Variants in MFRP observed in about 807,000 individuals in gnomAD.
The protein encoded by MFRP is membrane frizzled-related protein.
MFRP carries 74 observed loss-of-function variants against 65.8 expected under a neutral mutation model. The observed-to-expected ratio is 1.12, with a 90% CI of 0.93 to 1.36. The LOEUF (loss-of-function observed/expected upper bound fraction) is 1.36, where lower values mean the gene tolerates loss of function less well. Among genes scored for constraint, MFRP ranks in the 40% most tolerant of loss-of-function variants. The pLI, the probability that MFRP is intolerant of heterozygous loss-of-function variation, is 0.00. For synonymous variants in MFRP, 336 were observed against 288.3 expected, an observed-to-expected ratio of 1.17 and a Z score of -1.68; for missense variants, 838 against 736.0, an observed-to-expected ratio of 1.14 and a Z score of -1.60.
chr11:119,343,814 A>G lies in MFRP; in HGVS notation c.1124+2T>C, dbSNP rs1427893304. On this transcript the variant is annotated splice_donor_variant, in intron 9 of 14. Coordinates refer to ENST00000619721, the MANE Select transcript of MFRP (RefSeq NM_031433.4). LOFTEE classifies it high-confidence loss of function. ...TCCATGGCTCTTCCCTGGCTCCTGT[A>G]CCTGCCCAGGAGGCTGAAGGCCCCT... 5.0e-6 allele frequency: 8 copies of G among 1,613,698 alleles called. No individual in the cohort carries two copies. Among genetic ancestry groups the G allele is most frequent in the Non-Finnish European group, 6.8e-6 (8 of 1,179,964 alleles).
Position 119,345,628 on chromosome 11 carries a change from C to T in MFRP, c.433G>A (p.Gly145Arg), listed in dbSNP as rs548484182. The T allele has an allele frequency of 6.2e-7, 1 of 1,613,628 alleles. No individual in the cohort carries two copies. Among genetic ancestry groups the T allele is most frequent in the African/African-American group, 1.3e-5 (1 of 75,048 alleles). ...CCCCTTGGGCCAGAGAGGAGGCCTC[C>T]ACAGGCTGCAGAGATGGAGGTTAGA... ...GVSPSPQSTC[G>R]GLLSGPRGFF... Residue 145 changes from glycine (G) to arginine (R), a missense_variant, in exon 5 of 15, where the codon GGA becomes AGA. Transcript: ENST00000619721.
In MFRP at chr11:119,342,004, G is replaced by A. The variant is rs779629407; in HGVS notation, c.1388-20C>T. ...CCAGCTCTGCAGGGGTGGAGGGGAG[G>A]GCCACTGTGGGGACTGCTCACTGGC... On this transcript the variant is annotated intron_variant, in intron 11 of 14. Coordinates refer to ENST00000619721, the MANE Select transcript of MFRP (RefSeq NM_031433.4). The A allele has an allele frequency of 6.2e-7, 1 of 1,612,864 alleles. No homozygotes were observed. Among genetic ancestry groups the A allele is most frequent in the Non-Finnish European group, 8.5e-7 (1 of 1,180,008 alleles).
rs1950501399 is a variant in MFRP at position 119,341,446 on chromosome 11, TG to T, written c.*101del. The T allele has an allele frequency of 1.0e-6, 1 of 991,302 alleles. No individual in the cohort carries two copies. The highest frequency in any genetic ancestry group is 1.5e-6 in the Non-Finnish European group (1 of 662,174). The allele number at this position is 991,302 out of a possible 1,614,324, so 61.4% of individuals were successfully genotyped here. ...CCTCCCTGGGAGCCCCAGAGAAGGATGGGTAGAGACCCTGCTGATGCTCCTT... is the reference window on the plus strand; with the variant it reads ...CCTCCCTGGGAGCCCCAGAGAAGGATGGTAGAGACCCTGCTGATGCTCCTT... On this transcript the variant is annotated 3_prime_UTR_variant, in exon 13 of 15. Coordinates refer to ENST00000619721, the MANE Select transcript of MFRP (RefSeq NM_031433.4).
rs1950573505 is a variant in MFRP, at chr11:119,346,571, G to T, written c.-58C>A. 7 of 1,571,250 alleles carry T rather than the reference G, an allele frequency of 4.5e-6. No individual in the cohort carries two copies. The highest frequency in any genetic ancestry group is 6.1e-6 in the Non-Finnish European group (7 of 1,142,340). On this transcript the variant is annotated 5_prime_UTR_variant, in exon 1 of 15. Coordinates refer to ENST00000619721, the MANE Select transcript of MFRP (RefSeq NM_031433.4). ...CTGTGACAGCCCAAGACCCCCAAGGGCCCACTCGCTGACCACAAACTCCCT... is the reference window on the plus strand; with the variant it reads ...CTGTGACAGCCCAAGACCCCCAAGGTCCCACTCGCTGACCACAAACTCCCT...
At position 119,341,724 on chromosome 11, in the gene MFRP, C is replaced by T. The variant is rs1950504597; in HGVS notation, c.1564G>A (p.Gly522Arg). The change falls in exon 13 of 15, where the codon GGG becomes AGG. Residue 522 changes from glycine to arginine, a missense_variant. Transcript: ENST00000619721. ...CYQHFRRLLC[G>R]LLVPRCTPLG... is the part of the protein sequence containing the mutation. ...GGGGTGCAACGGGGCACAAGCAGCC[C>T]ACACAGGAGCCTCCGGAAATGCTGG... is the stretch of plus-strand genomic sequence containing the variant. 6.2e-7 allele frequency: 1 copy of T among 1,613,188 alleles called. No individual in the cohort carries two copies. Among genetic ancestry groups the T allele is most frequent in the South Asian group, 1.1e-5 (1 of 91,092 alleles).
At position 119,341,426 on chromosome 11, in the gene MFRP, C is replaced by CT; in HGVS notation, c.*121dup. On this transcript the variant is annotated 3_prime_UTR_variant, in exon 13 of 15. Coordinates refer to ENST00000619721, the MANE Select transcript of MFRP (RefSeq NM_031433.4). The stretch of plus-strand genomic sequence containing the variant: ...AGCTGAGGACTTCTCTTCCCCCTCC[C>CT]TGGGAGCCCCAGAGAAGGATGGGTA... The CT allele has an allele frequency of 1.2e-6, 1 of 810,822 alleles. No homozygotes were observed. The highest frequency in any genetic ancestry group is 1.7e-5 in the South Asian group (1 of 58,538). The allele number at this position is 810,822 out of a possible 1,614,324, so 50.2% of individuals were successfully genotyped here.
In MFRP at chr11:119,341,357, G is replaced by A; in HGVS notation, c.*191C>T. On this transcript the variant is annotated 3_prime_UTR_variant, in exon 13 of 15. Transcript: ENST00000619721. ...CAGTCAGCAGCCTGGGACCGGTAAA[G>A]GGACAGGAAGGAGCAGGGAGGGTGG... The A allele has an allele frequency of 1.7e-6, 1 of 603,784 alleles. No individual in the cohort carries two copies. The highest frequency in any genetic ancestry group is 2.9e-6 in the Non-Finnish European group (1 of 341,154). 37.4% of individuals were successfully genotyped at this position (603,784 alleles called of 1,614,324 possible).
rs1440525044 is a variant in MFRP, at chr11:119,340,772, CCGCGCTTCTCCCCGGCCAGG to C, written c.*756_*775del. The C allele has an allele frequency of 3.8e-6, 1 of 261,452 alleles. No homozygotes were observed. Among genetic ancestry groups the C allele is most frequent in the Non-Finnish European group, 7.3e-6 (1 of 136,096 alleles). The allele number at this position is 261,452 out of a possible 1,614,324, so 16.2% of individuals were successfully genotyped here. On this transcript the variant is annotated 3_prime_UTR_variant, in exon 13 of 15. Transcript: ENST00000619721. ...CCTCCAGTTGGTGGTGCTCCAGCCCCCGCGCTTCTCCCCGGCCAGGCGCCCCCTGCCCTGCCGTCACCCCA... is the reference window on the plus strand; with the variant it reads ...CCTCCAGTTGGTGGTGCTCCAGCCCCCGCCCCCTGCCCTGCCGTCACCCCA...
intron 5 of MFRP, 127 bp from the exon 6 acceptor site, chr11:119,345,131 C>T (rs1377744412): frequency 2.4e-6 from 3 of 1,247,406 alleles, no homozygotes; most frequent in Non-Finnish European, 3.4e-6. Context: ...CAAAAAGGCT[C>T]CTCTGATGTC....
chr11:119,341,593 G>A lies in MFRP; in HGVS notation c.1695C>T (p.Asn565=). 14 of 1,612,972 alleles carry A rather than the reference G, an allele frequency of 8.7e-6. No homozygotes were observed. Among genetic ancestry groups the A allele is most frequent in the Non-Finnish European group, 1.1e-5 (13 of 1,180,012 alleles). Residue 565 remains asparagine, a synonymous_variant, in exon 13 of 15, where the codon AAC becomes AAT. Coordinates refer to ENST00000619721, the MANE Select transcript of MFRP (RefSeq NM_031433.4). ...CCAGGTCAGCTGCCTCTGGCAGCCT[G>A]TTGCAGTTGAAGGGCCAGGGGGTGC... ...LLGTPWPFNC[N]RLPEAADLEA... is the part of the protein sequence containing the mutation.
In MFRP at chr11:119,342,571, G is replaced by A. The variant is rs771438559; in HGVS notation, c.1387+25C>T. ...GTGAGGTGGGCACCCAGCCTGCTCA[G>A]GGTCCCCAGGGGCAGGCTTCTCACC... On this transcript the variant is annotated intron_variant, in intron 11 of 14. Transcript: ENST00000619721. The A allele has an allele frequency of 1.1e-5, 18 of 1,612,102 alleles. 1 individual carries two copies. The highest frequency in any genetic ancestry group is 3.3e-4 in the Middle Eastern group (2 of 6,078).
chr11:119,340,072 G>C, intron 14 of MFRP, 112 bp downstream of exon 14: 3 of 1,337,784 alleles, frequency 2.2e-6, no homozygotes, highest in Non-Finnish European at 9.8e-7. Context: ...GCTGCAAAGC[G>C]CGGGGAGTGG....
chr11:119,345,171 C>T (rs563448607), intron 5 of MFRP, among the ~76,000 whole-genome samples, 167 bp from the exon 6 acceptor site: 2 of 152,304 alleles, frequency 1.3e-5, no homozygotes, highest in East Asian at 1.9e-4. Context: ...CTAGCACCTG[C>T]ACATTTATCC....
At position 119,339,325 on chromosome 11, in the gene MFRP, TG is replaced by T; in HGVS notation, c.*1633del. 1 of 1,611,326 alleles carries T rather than the reference TG, an allele frequency of 6.2e-7. No homozygotes were observed. Among genetic ancestry groups the T allele is most frequent in the Non-Finnish European group, 8.5e-7 (1 of 1,178,344 alleles). On this transcript the variant is annotated 3_prime_UTR_variant, in exon 15 of 15. Transcript: ENST00000619721. The surrounding 1 kb of genome is among the most constrained non-coding windows in gnomAD (Gnocchi z 5.4). ...GTGAGAGCATGAGCTCACTTTGCAG[TG>T]GGCACTAAGCAAAGACTGGGGAGCT...
At chr11:119,343,766 G>A in intron 9 of MFRP, 50 bp downstream of exon 9, 2 of 1,610,164 alleles carry the variant, frequency 1.2e-6, no homozygotes, top group South Asian at 1.1e-5. Flanking sequence ...AGCCGGGGGT[G>A]GCAGACAGTG....
At position 119,340,589 on chromosome 11, in the gene MFRP, G is replaced by A. The variant is rs1002011614; in HGVS notation, c.*853+106C>T. ...GCCGAGCATCCGGAGAGCACAGGCA[G>A]GCGCGAGAGGGTGGGAGCGGCCAGC... On this transcript the variant is annotated intron_variant, in intron 13 of 14. Transcript: ENST00000619721. 6.0e-5 allele frequency: 36 copies of A among 601,852 alleles called. No individual in the cohort carries two copies. In the African/African-American group the frequency reaches 6.3e-4, roughly 11 times the overall value. The allele number at this position is 601,852 out of a possible 1,614,324, so 37.3% of individuals were successfully genotyped here.
At position 119,343,067 on chromosome 11, in the gene MFRP, C is replaced by T. The variant is rs554459736; in HGVS notation, c.1125-64G>A. 2,791 of 1,546,416 alleles carry T rather than the reference C, an allele frequency of 1.8e-3. 5 individuals carry two copies. The highest frequency in any genetic ancestry group is 2.3e-3 in the Non-Finnish European group (2,586 of 1,149,016). On this transcript the variant is annotated intron_variant, in intron 9 of 14. Coordinates refer to ENST00000619721, the MANE Select transcript of MFRP (RefSeq NM_031433.4). ...GCTGACTGAGGGGGCACTGCAGCCT[C>T]CCACAGGCCTGGCTCTGAGCTGGGA...
At chr11:119,342,562 G>T (rs1232037810) in intron 11 of MFRP, 34 bp downstream of exon 11, 43 of 1,611,170 alleles carry the variant, frequency 2.7e-5, no homozygotes, top group Non-Finnish European at 3.6e-5. Flanking sequence ...TGGGCACCCA[G>T]CCTGCTCAGG....
rs1950480448 is a variant in MFRP at position 119,339,789 on chromosome 11, T to G, written c.*1170A>C. 6.6e-7 allele frequency: 1 copy of G among 1,511,098 alleles called. No homozygotes were observed. The highest frequency in any genetic ancestry group is 2.2e-4 in the Middle Eastern group (1 of 4,578). The allele number at this position is 1,511,098 out of a possible 1,614,324, so 93.6% of individuals were successfully genotyped here. On this transcript the variant is annotated 3_prime_UTR_variant, in exon 15 of 15. Transcript: ENST00000619721. The surrounding 1 kb of genome is among the most constrained non-coding windows in gnomAD (Gnocchi z 5.4). ...ACCGAGCACTCCCCGGCAGGCCCGG[T>G]GGGCCCCGCGGGTCCCGCCTCTCCT...
Sources: allele counts gnomAD v4.1 joint callset (sites outside exome capture counted in the v4.1 genomes callset), GRCh38; gene constraint gnomAD v4.1.1; non-coding constraint Gnocchi (gnomAD v3.1); transcripts MANE v1.5; gene names NCBI Gene and HGNC (gene_info 2026-07-23, HGNC 2026-07-21).